The following ACER1 variants were observed in gnomAD, a reference collection of about 807,000 sequenced individuals.
The protein encoded by ACER1 is CTB-180A7.3.
ACER1 carries 28 observed loss-of-function variants against 24.9 expected under a neutral mutation model. The ratio of observed to expected loss-of-function variants is 1.13; its 90% CI spans 0.83 to 1.54. ACER1 has a LOEUF of 1.54. Among genes scored for constraint, ACER1 ranks in the 40% most tolerant of loss-of-function variants. The pLI is 0.00. For synonymous variants in ACER1, 132 were observed against 131.4 expected (o/e 1.00, Z -0.03); for missense variants, 352 against 349.3 (o/e 1.01, Z -0.06).
the ACER1 span, among the ~76,000 whole-genome samples, chr19:6,359,151 G>A: frequency 1.3e-5 from 2 of 151,990 alleles, no homozygotes; most frequent in Non-Finnish European, 2.9e-5. Flanking sequence ...AGGATAGCTT[G>A]AGCCCAGAGG....
At chr19:6,329,356 T>TATAGA (rs57029699) in intron 1 of ACER1, among the ~76,000 whole-genome samples, 33,020 of 133,722 alleles carry the variant, frequency 0.25, 4,389 homozygotes, top group Non-Finnish European at 0.27. Flanking sequence ...GGCTTTTTGA[T>TATAGA]ATAGAATAGA....
At chr19:6,345,108 TG>T in the ACER1 span, among the ~76,000 whole-genome samples, 1 of 152,068 alleles carries the variant, frequency 6.6e-6, no homozygotes, top group African/African-American at 2.4e-5. Flanking sequence ...TGGTCAAGGC[TG>T]GTCTCAAACT....
chr19:6,343,000 C>G, the ACER1 span, among the ~76,000 whole-genome samples: 345 of 152,212 alleles, frequency 2.3e-3, 2 homozygotes, highest in African/African-American at 7.6e-3. Context: ...TGGTCTCGAA[C>G]TCCCGACCTC....
At chr19:6,356,720 T>A in the ACER1 span, among the ~76,000 whole-genome samples, 1 of 136,892 alleles carries the variant, frequency 7.3e-6, no homozygotes, top group African/African-American at 3.2e-5. Context: ...TCATACTGCA[T>A]GTAAAAAAAA....
chr19:6,323,069 G>A (rs559211391), intron 1 of ACER1, among the ~76,000 whole-genome samples: 6 of 152,112 alleles, frequency 3.9e-5, no homozygotes, highest in South Asian at 4.2e-4. Context: ...CGGAGATCAC[G>A]CCATTGCACT....
At chr19:6,324,804 AAGAG>A (rs1199841275) in intron 1 of ACER1, among the ~76,000 whole-genome samples, 2 of 150,110 alleles carry the variant, frequency 1.3e-5, no homozygotes, top group Non-Finnish European at 3.0e-5. Context: ...AGAAGAAAGA[AAGAG>A]AAAGAAGGAG....
rs560844041 is a variant in ACER1, at chr19:6,323,143, G to A, written c.93+10316C>T. 4.6e-5 allele frequency among the ~76,000 whole-genome samples: 7 copies of A among 151,606 alleles called. No individual in the cohort carries two copies. In the East Asian group the frequency reaches 5.8e-4, roughly 13 times the overall value. On this transcript the variant is annotated intron_variant, in intron 1 of 5. Coordinates refer to ENST00000301452, the MANE Select transcript of ACER1 (RefSeq NM_133492.3). ...AAACAAACAAAAAACAAAACAGGCA[G>A]GGCGCAGTGGTTCACACCTGTAATC... is the stretch of plus-strand genomic sequence containing the variant.
At chr19:6,335,018 A>AATATG (rs200112031), upstream of ACER1, among the ~76,000 whole-genome samples, 1 of 147,062 alleles carries the variant, frequency 6.8e-6, no homozygotes, top group Admixed American at 6.9e-5. Context: ...TAACAATAAT[A>AATATG]ATATAATTAT....
At chr19:6,331,153 C>CTTTT (rs560393300) in intron 1 of ACER1, among the ~76,000 whole-genome samples, 2 of 134,872 alleles carry the variant, frequency 1.5e-5, no homozygotes, top group African/African-American at 6.1e-5. Flanking sequence ...ACAGCAAGCA[C>CTTTT]TTTTTTTTTT....
At chr19:6,356,658 T>C in the ACER1 span, among the ~76,000 whole-genome samples, 1 of 151,690 alleles carries the variant, frequency 6.6e-6, no homozygotes, top group Non-Finnish European at 1.5e-5. Context: ...AAAATATGCA[T>C]CTGTAAACAA....
At chr19:6,351,790 C>T in the ACER1 span, among the ~76,000 whole-genome samples, 4 of 151,890 alleles carry the variant, frequency 2.6e-5, no homozygotes, top group Non-Finnish European at 5.9e-5. Context: ...GGTGTGGTGG[C>T]TCATGCCTGT....
At chr19:6,317,216 T>C (rs2091607454) in intron 1 of ACER1, among the ~76,000 whole-genome samples, 1 of 152,056 alleles carries the variant, frequency 6.6e-6, no homozygotes, top group South Asian at 2.1e-4. Context: ...TCAAGTGATC[T>C]ACCCACCTTG....
Position 6,333,504 on chromosome 19 carries a change from C to A in ACER1, c.48G>T (p.Glu16Asp). Residue 16 changes from glutamate (E) to aspartate (D), a missense_variant, in exon 1 of 6, where the codon GAG becomes GAT. By Grantham distance (45) the Glu-to-Asp change is conservative. Coordinates refer to ENST00000301452, the MANE Select transcript of ACER1 (RefSeq NM_133492.3). Reference sequence around the variant, plus strand: ...CCAGCTCCGAGTACTGGAAGTTGCTCTCACACCAGTCCACCTCGGAGCTCT... The same window carrying A: ...CCAGCTCCGAGTACTGGAAGTTGCTATCACACCAGTCCACCTCGGAGCTCT... The part of the protein sequence containing the change: ...AYQSSEVDWC[E>D]SNFQYSELVA... 3.8e-6 allele frequency: 6 copies of A among 1,594,466 alleles called. No homozygotes were observed. Among genetic ancestry groups the A allele is most frequent in the Non-Finnish European group, 5.1e-6 (6 of 1,169,950 alleles).
At chr19:6,359,026 G>C in the ACER1 span, among the ~76,000 whole-genome samples, 2 of 151,536 alleles carry the variant, frequency 1.3e-5, no homozygotes, top group Non-Finnish European at 1.5e-5. Flanking sequence ...AAGTCCAGGA[G>C]TTCAAGACCA....
At chr19:6,336,417 C>T (rs1219510290), upstream of ACER1, among the ~76,000 whole-genome samples, 1 of 152,166 alleles carries the variant, frequency 6.6e-6, no homozygotes, top group East Asian at 1.9e-4. Flanking sequence ...GGAACACCAC[C>T]TCTATGATGC....
At chr19:6,311,528 C>T (rs1327171026) in intron 3 of ACER1, among the ~76,000 whole-genome samples, 1 of 150,078 alleles carries the variant, frequency 6.7e-6, no homozygotes, top group Non-Finnish European at 1.5e-5. Context: ...GGTGACAGAG[C>T]GAGACTCTGT....
At chr19:6,328,325 T>C (rs143226975) in intron 1 of ACER1, among the ~76,000 whole-genome samples, 2,611 of 151,614 alleles carry the variant, frequency 0.017, 80 homozygotes, top group African/African-American at 0.059. Context: ...ACCCCATCTC[T>C]ACTAAAAATA....
intron 1 of ACER1, among the ~76,000 whole-genome samples, chr19:6,313,181 G>T (rs10415206): frequency 0.18 from 26,557 of 151,710 alleles, 2,577 homozygotes; most frequent in East Asian, 0.28. Flanking sequence ...TGCAGTGGTG[G>T]GATCATGGCT....
intron 1 of ACER1, among the ~76,000 whole-genome samples, chr19:6,323,318 GC>G (rs2145010580): frequency 6.6e-6 from 1 of 151,774 alleles, no homozygotes; most frequent in Non-Finnish European, 1.5e-5. Context: ...TACTTGGGAG[GC>G]TGAGGCAGGA....
Sources: allele counts gnomAD v4.1 joint callset (sites outside exome capture counted in the v4.1 genomes callset), GRCh38; gene constraint gnomAD v4.1.1; transcripts MANE v1.5; gene names NCBI Gene and HGNC (gene_info 2026-07-23, HGNC 2026-07-21).